The following ITSN1 variants were observed in gnomAD, a reference collection of about 807,000 sequenced individuals.
ITSN1 encodes the protein intersectin 1.
A neutral mutation model predicts 239.8 loss-of-function variants in ITSN1; 58 were observed. The observed-to-expected ratio is 0.24, with a 90% CI of 0.20 to 0.30. ITSN1 has a LOEUF of 0.30. Ranked by LOEUF, ITSN1 falls within the 10% of genes least tolerant of loss-of-function variation. The pLI is 1.00. For missense variants in ITSN1, 1,558 were observed against 2,103.3 expected, an observed-to-expected ratio of 0.74 and a Z score of 5.07; for synonymous variants, 780 against 770.8, an observed-to-expected ratio of 1.01 and a Z score of -0.20.
At chr21:33,727,786 C>G (rs1387353529) in intron 4 of ITSN1, among the ~76,000 whole-genome samples, 1 of 151,946 alleles carries the variant, frequency 6.6e-6, no homozygotes, top group East Asian at 1.9e-4. Context: ...TTTCTTCACC[C>G]TGCATACCCA....
At chr21:33,678,554 T>C (rs2090736422) in intron 1 of ITSN1, among the ~76,000 whole-genome samples, 1 of 152,212 alleles carries the variant, frequency 6.6e-6, no homozygotes, top group Non-Finnish European at 1.5e-5. Flanking sequence ...GCATTCACAC[T>C]TTAATCACAG....
chr21:33,875,647 C>T, intron 34 of ITSN1, 126 bp downstream of exon 34: 1 of 817,568 alleles, frequency 1.2e-6, no homozygotes, highest in East Asian at 2.7e-5. Flanking sequence ...TTCCATCCAG[C>T]TGCTTCTCAT....
chr21:33,816,619 G>A (rs2073288702), intron 22 of ITSN1, among the ~76,000 whole-genome samples: 1 of 152,200 alleles, frequency 6.6e-6, no homozygotes, highest in African/African-American at 2.4e-5. Context: ...CAGACACGGG[G>A]AAGATTTCTC....
chr21:33,792,679 T>C (rs78053657), intron 16 of ITSN1, among the ~76,000 whole-genome samples: 1 of 152,314 alleles, frequency 6.6e-6, no homozygotes, highest in East Asian at 1.9e-4. Flanking sequence ...CTCAGCACTT[T>C]AAACAGTCAG....
intron 33 of ITSN1, among the ~76,000 whole-genome samples, chr21:33,871,971 G>A (rs1982826362): frequency 6.6e-6 from 1 of 152,204 alleles, no homozygotes; most frequent in Non-Finnish European, 1.5e-5. Context: ...CTGAGTTAAT[G>A]TATGCAAAGT....
intron 29 of ITSN1, among the ~76,000 whole-genome samples, chr21:33,852,206 C>A (rs1455300330): frequency 6.6e-6 from 1 of 152,222 alleles, no homozygotes; most frequent in Non-Finnish European, 1.5e-5. Flanking sequence ...TTCAGAGGAA[C>A]TTAATAAATA....
chr21:33,850,082 C>A (rs2075110336), intron 29 of ITSN1, among the ~76,000 whole-genome samples: 1 of 152,214 alleles, frequency 6.6e-6, no homozygotes, highest in Non-Finnish European at 1.5e-5. Flanking sequence ...CACCCTTTCA[C>A]TCTCTGAAAT....
intron 11 of ITSN1, among the ~76,000 whole-genome samples, chr21:33,771,209 G>A (rs2069133534): frequency 6.6e-6 from 1 of 152,236 alleles, no homozygotes; most frequent in African/African-American, 2.4e-5. Flanking sequence ...GTCTAAAGCA[G>A]TGAAGTCCAA....
At chr21:33,832,810 CTTGA>C (rs2074373327) in intron 27 of ITSN1, among the ~76,000 whole-genome samples, 1 of 152,156 alleles carries the variant, frequency 6.6e-6, no homozygotes. Context: ...AGGTATCCCT[CTTGA>C]TAAACTGGCA....
chr21:33,779,346 T>G (rs2069952978), intron 14 of ITSN1, among the ~76,000 whole-genome samples: 1 of 152,200 alleles, frequency 6.6e-6, no homozygotes, highest in Non-Finnish European at 1.5e-5. Context: ...CATTGCCATA[T>G]CCCACAAATT....
chr21:33,816,635 G>A (rs973678828), intron 22 of ITSN1, among the ~76,000 whole-genome samples: 1 of 152,184 alleles, frequency 6.6e-6, no homozygotes, highest in Non-Finnish European at 1.5e-5. Context: ...TTCTCAGGGG[G>A]AGAGATTCTG....
intron 1 of ITSN1, chr21:33,716,471 C>T (rs1190444162): frequency 6.6e-6 from 1 of 152,344 alleles, no homozygotes; most frequent in Non-Finnish European, 1.5e-5. Flanking sequence ...CCCCACCCAG[C>T]AGTTCGTTCT....
intron 1 of ITSN1, among the ~76,000 whole-genome samples, chr21:33,664,865 C>T: frequency 6.6e-6 from 1 of 152,168 alleles, no homozygotes; most frequent in East Asian, 1.9e-4. Context: ...CTCAGTTGCT[C>T]TTTCCATCAT....
chr21:33,852,497 C>T (rs115251453), intron 29 of ITSN1, among the ~76,000 whole-genome samples: 21 of 152,158 alleles, frequency 1.4e-4, no homozygotes, highest in Admixed American at 1.2e-3. Flanking sequence ...ATACAAATAT[C>T]AGTTGAGGGA....
intron 11 of ITSN1, among the ~76,000 whole-genome samples, chr21:33,769,542 A>G (rs575638862): frequency 1.3e-5 from 2 of 152,304 alleles, no homozygotes; most frequent in South Asian, 4.1e-4. Flanking sequence ...TGGAAGTCCA[A>G]GATCACGGTG....
chr21:33,858,143 CCTGCAAGTGCTGGGT>C (rs1979722392), intron 30 of ITSN1, among the ~76,000 whole-genome samples: 1 of 152,156 alleles, frequency 6.6e-6, no homozygotes, highest in Non-Finnish European at 1.5e-5. Flanking sequence ...TTGTAGCGGG[CCTGCAAGTGCTGGGT>C]CTGTCCAGGG....
chr21:33,715,874 C>T (rs2065105106), intron 1 of ITSN1, among the ~76,000 whole-genome samples: 3 of 152,082 alleles, frequency 2.0e-5, no homozygotes, highest in Non-Finnish European at 1.5e-5. Flanking sequence ...GCCAAGATTG[C>T]ACCACTGCAC....
chr21:33,782,881 C>T (rs569539931), intron 16 of ITSN1, among the ~76,000 whole-genome samples: 42 of 152,062 alleles, frequency 2.8e-4, no homozygotes, highest in African/African-American at 8.9e-4. Flanking sequence ...AAAAATTAGC[C>T]GGGCATGGTG....
Position 33,818,316 on chromosome 21 carries a change from C to A in ITSN1, c.2777C>A (p.Ala926Asp). The A allele has an allele frequency of 6.2e-7, 1 of 1,614,004 alleles. No individual in the cohort carries two copies. Among genetic ancestry groups the A allele is most frequent in the Non-Finnish European group, 8.5e-7 (1 of 1,179,970 alleles). The change falls in exon 23 of 40, where the codon GCC becomes GAC. Residue 926 changes from alanine (A) to aspartate (D), a missense_variant. Ala to Asp is a moderately radical substitution (Grantham distance 126). Coordinates refer to ENST00000381318, the MANE Select transcript of ITSN1 (RefSeq NM_003024.3). ...LQAQALYPWR[A>D]KKDNHLNFNK... is the part of the protein sequence containing the mutation. The stretch of plus-strand genomic sequence containing the variant: ...GCTCAAGCCCTATATCCTTGGAGAG[C>A]CAAAAAAGACAACCACTTAAATTTT...
Sources: allele counts gnomAD v4.1 joint callset (sites outside exome capture counted in the v4.1 genomes callset), GRCh38; gene constraint gnomAD v4.1.1; transcripts MANE v1.5; gene names NCBI Gene and HGNC (gene_info 2026-07-23, HGNC 2026-07-21).